The following DIAPH3 variants were observed in gnomAD, a reference collection of about 807,000 sequenced individuals.
The protein encoded by DIAPH3 is protein diaphanous homolog 3.
DIAPH3 carries 117 observed loss-of-function variants against 144.3 expected under a neutral mutation model. The ratio of observed to expected loss-of-function variants is 0.81; its 90% CI spans 0.70 to 0.95. The LOEUF (loss-of-function observed/expected upper bound fraction) is 0.95. DIAPH3 is among the 40% of genes least tolerant of loss of function. DIAPH3 has a pLI of 0.00. For missense variants in DIAPH3, 1,421 were observed against 1,412.7 expected, an observed-to-expected ratio of 1.01 and a Z score of -0.09; for synonymous variants, 519 against 488.9, an observed-to-expected ratio of 1.06 and a Z score of -0.81.
intron 21 of DIAPH3, among the ~76,000 whole-genome samples, chr13:59,864,344 A>C (rs2043786635): frequency 6.6e-6 from 1 of 152,088 alleles, no homozygotes. Flanking sequence ...CCCTAGTAGC[A>C]AAGATCCTTT....
chr13:59,728,127 A>G (rs982881915), intron 27 of DIAPH3, among the ~76,000 whole-genome samples: 70 of 152,166 alleles, frequency 4.6e-4, no homozygotes, highest in African/African-American at 1.6e-3. Flanking sequence ...AAAGTCCTAC[A>G]TGAGTTGAAA....
chr13:59,910,175 G>GTA lies in DIAPH3; in HGVS notation c.2367+1558_2367+1559dup, dbSNP rs2046922434. Reference sequence around the variant, plus strand: ...TTTTAATTCAAGTGTCAAAACATAGGTAAAAAAAAAACACTCTAAATAGTC... The same window carrying GTA: ...TTTTAATTCAAGTGTCAAAACATAGGTATAAAAAAAAAACACTCTAAATAGTC... On this transcript the variant is annotated intron_variant, in intron 20 of 27. Coordinates refer to ENST00000400324, the MANE Select transcript of DIAPH3 (RefSeq NM_001042517.2). 3.7e-5 allele frequency among the ~76,000 whole-genome samples: 4 copies of GTA among 107,562 alleles called. No individual in the cohort carries two copies. In the South Asian group the frequency reaches 1.3e-3, roughly 34 times the overall value. The allele number at this position is 107,562 out of a possible 152,430, so 70.6% of individuals were successfully genotyped here.
At chr13:59,816,735 A>G (rs980607724) in intron 24 of DIAPH3, among the ~76,000 whole-genome samples, 2 of 151,826 alleles carry the variant, frequency 1.3e-5, no homozygotes, top group African/African-American at 4.8e-5. Flanking sequence ...TAATACATGT[A>G]CATATTTTGG....
At chr13:59,869,670 G>T (rs566358771) in intron 21 of DIAPH3, among the ~76,000 whole-genome samples, 205 of 152,194 alleles carry the variant, frequency 1.3e-3, no homozygotes, top group Non-Finnish European at 2.2e-3. Flanking sequence ...AAATAGCAAG[G>T]AGGTCAAAGC....
intron 1 of DIAPH3, among the ~76,000 whole-genome samples, chr13:60,142,602 C>T (rs2059447743): frequency 6.6e-6 from 1 of 152,196 alleles, no homozygotes; most frequent in African/African-American, 2.4e-5. Context: ...CACACGTGTG[C>T]GAGTCCCAGC....
chr13:59,787,049 C>T (rs998932585), intron 25 of DIAPH3, among the ~76,000 whole-genome samples: 7 of 151,956 alleles, frequency 4.6e-5, no homozygotes, highest in Non-Finnish European at 8.8e-5. Flanking sequence ...TGCAGTGACC[C>T]GTAGCTGAGC....
At chr13:60,065,253 TA>T (rs11344639) in intron 4 of DIAPH3, among the ~76,000 whole-genome samples, 39,847 of 88,292 alleles carry the variant, frequency 0.45, 7,457 homozygotes, top group Admixed American at 0.53. Context: ...TTTAATTTAT[TA>T]AAAAAAAAAA....
At chr13:59,720,423 AT>A (rs997841615) in intron 27 of DIAPH3, among the ~76,000 whole-genome samples, 4 of 152,150 alleles carry the variant, frequency 2.6e-5, no homozygotes, top group African/African-American at 9.7e-5. Context: ...TTAAATGAAA[AT>A]TTTTTTATTT....
At chr13:60,133,018 A>G in intron 1 of DIAPH3, 29 bp from the exon 2 acceptor site, 1 of 1,530,888 alleles carries the variant, frequency 6.5e-7, no homozygotes, top group Admixed American at 1.7e-5. Flanking sequence ...CAATCATATT[A>G]GTAATTTATA....
chr13:59,704,109 C>T (rs1274571213), intron 27 of DIAPH3, among the ~76,000 whole-genome samples: 2 of 152,178 alleles, frequency 1.3e-5, no homozygotes, highest in Non-Finnish European at 1.5e-5. Flanking sequence ...TCTTAGACTT[C>T]GTCTCTTTTG....
chr13:59,924,925 G>A, intron 17 of DIAPH3, 55 bp from the exon 18 acceptor site: 4 of 1,551,274 alleles, frequency 2.6e-6, no homozygotes, highest in Non-Finnish European at 3.5e-6. Context: ...AAATACAAAA[G>A]TGGAAAAAGT....
chr13:60,088,104 G>T (rs2057808415), intron 4 of DIAPH3, among the ~76,000 whole-genome samples: 1 of 152,114 alleles, frequency 6.6e-6, no homozygotes, highest in South Asian at 2.1e-4. Context: ...ATGCTAAGAG[G>T]TAGCAGTCCA....
At chr13:59,857,326 T>C (rs2043313699) in intron 22 of DIAPH3, among the ~76,000 whole-genome samples, 1 of 152,102 alleles carries the variant, frequency 6.6e-6, no homozygotes, top group East Asian at 1.9e-4. Context: ...ACATTTATCA[T>C]AAAATGATGG....
intron 17 of DIAPH3, among the ~76,000 whole-genome samples, chr13:59,940,973 T>C (rs1430664608): frequency 3.3e-5 from 5 of 152,358 alleles, no homozygotes; most frequent in Non-Finnish European, 2.9e-5. Flanking sequence ...TGGAGATTAA[T>C]ATTTTTCTTT....
At chr13:59,744,581 A>G (rs1431514047) in intron 27 of DIAPH3, among the ~76,000 whole-genome samples, 1 of 152,112 alleles carries the variant, frequency 6.6e-6, no homozygotes, top group Non-Finnish European at 1.5e-5. Context: ...GTGGCCCAAG[A>G]CAATTCTTCT....
intron 27 of DIAPH3, among the ~76,000 whole-genome samples, chr13:59,697,370 G>A (rs342566): frequency 0.57 from 85,207 of 149,586 alleles, 25,274 homozygotes; most frequent in East Asian, 0.68. Context: ...TGAGGCAAGG[G>A]AATGGCGTGA....
At chr13:59,852,540 G>A (rs2043036303) in intron 22 of DIAPH3, among the ~76,000 whole-genome samples, 2 of 152,254 alleles carry the variant, frequency 1.3e-5, no homozygotes, top group South Asian at 2.1e-4. Flanking sequence ...ACAAAATAAC[G>A]TGTTGCAGGC....
chr13:59,975,796 T>C (rs184284336), intron 14 of DIAPH3, among the ~76,000 whole-genome samples: 23 of 152,084 alleles, frequency 1.5e-4, no homozygotes, highest in African/African-American at 5.3e-4. Context: ...TAACAAAAAC[T>C]AATAGGTAAA....
At chr13:59,833,344 A>G (rs2041881452) in intron 23 of DIAPH3, 73 bp from the exon 24 acceptor site, 9 of 1,210,542 alleles carry the variant, frequency 7.4e-6, no homozygotes, top group East Asian at 7.3e-5. Flanking sequence ...TGTAAATCCA[A>G]TGTTTTAGTC....
Sources: allele counts gnomAD v4.1 joint callset (sites outside exome capture counted in the v4.1 genomes callset), GRCh38; gene constraint gnomAD v4.1.1; transcripts MANE v1.5; gene names NCBI Gene and HGNC (gene_info 2026-07-23, HGNC 2026-07-21).